MYO1B: variants seen among roughly 807,000 people sequenced by gnomAD.
The protein encoded by MYO1B is myosin IB.
In MYO1B, 72 loss-of-function variants were observed where a neutral mutation model predicts 159.7. That is an observed-to-expected ratio of 0.45 (90% CI 0.37 to 0.55). The LOEUF is 0.55. Among genes scored for constraint, MYO1B ranks in the 20% least tolerant of loss-of-function variants. MYO1B has a pLI of 0.00. For synonymous variants in MYO1B, 468 were observed against 473.8 expected (o/e 0.99, Z 0.16); for missense variants, 1,062 against 1,364.8 (o/e 0.78, Z 3.50).
chr2:191,412,762 G>T (rs779285606), intron 27 of MYO1B, among the ~76,000 whole-genome samples: 5 of 152,160 alleles, frequency 3.3e-5, no homozygotes, highest in Non-Finnish European at 7.3e-5. Flanking sequence ...TGTCCTGAAA[G>T]AGTCCCCCGA....
At chr2:191,318,380 C>T (rs1690487603) in intron 3 of MYO1B, among the ~76,000 whole-genome samples, 1 of 152,134 alleles carries the variant, frequency 6.6e-6, no homozygotes, top group African/African-American at 2.4e-5. Flanking sequence ...TCTGGGTAAC[C>T]AGAAATCAGT....
intron 1 of MYO1B, among the ~76,000 whole-genome samples, chr2:191,264,746 C>A (rs571734667): frequency 6.6e-6 from 1 of 151,052 alleles, no homozygotes; most frequent in East Asian, 1.9e-4. Flanking sequence ...TGTGGTCTGG[C>A]ATTTGCTGGC....
intron 27 of MYO1B, among the ~76,000 whole-genome samples, chr2:191,411,882 A>G (rs1196381384): frequency 1.3e-5 from 2 of 152,238 alleles, no homozygotes; most frequent in African/African-American, 4.8e-5. Context: ...TGTTTATAAA[A>G]AAGTAGATTG....
chr2:191,364,012 A>G (rs1693842965), intron 10 of MYO1B, 137 bp downstream of exon 10: 3 of 1,272,640 alleles, frequency 2.4e-6, no homozygotes, highest in South Asian at 2.4e-5. Context: ...CAGAAATAGA[A>G]CTGTGGCTAA....
intron 13 of MYO1B, among the ~76,000 whole-genome samples, chr2:191,380,301 A>G (rs1694962560): frequency 6.6e-6 from 1 of 152,212 alleles, no homozygotes; most frequent in Admixed American, 6.5e-5. Context: ...TCTATCATGT[A>G]TGGAGGGATT....
rs1574412938 is a variant in MYO1B at position 191,316,604 on chromosome 2, T to C, written c.252-13331T>C. ...GAAATTGGCATTTCCTATTTGACAA[T>C]TTATAAAAATTTTAGGGATGTCTTC... On this transcript the variant is annotated intron_variant, in intron 3 of 30. Coordinates refer to ENST00000392318, the MANE Select transcript of MYO1B (RefSeq NM_001130158.3). Among the ~76,000 whole-genome samples the C allele has an allele frequency of 3.3e-5, 5 of 152,338 alleles. No homozygotes were observed. The South Asian group carries it at 8.3e-4, about 25-fold the overall frequency.
At chr2:191,315,321 GAATT>G (rs1249174648) in intron 3 of MYO1B, among the ~76,000 whole-genome samples, 3 of 152,084 alleles carry the variant, frequency 2.0e-5, no homozygotes, top group African/African-American at 4.8e-5. Context: ...AGATCAATGT[GAATT>G]AATTGTTATA....
chr2:191,414,548 A>T lies in MYO1B; in HGVS notation c.3038A>T (p.Asn1013Ile). 6.2e-7 allele frequency: 1 copy of T among 1,612,170 alleles called. No individual in the cohort carries two copies. Among genetic ancestry groups the T allele is most frequent in the South Asian group, 1.1e-5 (1 of 90,326 alleles). Residue 1013 changes from asparagine (N) to isoleucine (I), a missense_variant, in exon 29 of 31, where the codon AAT becomes ATT. Physicochemically the swap from Asn to Ile is moderately radical, Grantham distance 149. Transcript: ENST00000392318. ...STSRIFLLTN[N>I]NLLLADQKSG... ...TCTCGGATTTTCCTCTTAACAAACAATAATCTCCTTCTTGCTGACCAAAAG... is the reference window on the plus strand; with the variant it reads ...TCTCGGATTTTCCTCTTAACAAACATTAATCTCCTTCTTGCTGACCAAAAG...
chr2:191,326,798 G>A (rs949695029), intron 3 of MYO1B, among the ~76,000 whole-genome samples: 1 of 142,368 alleles, frequency 7.0e-6, no homozygotes, highest in Non-Finnish European at 1.5e-5. Context: ...GTGTGTGTGT[G>A]TGTGTGTGTG....
intron 24 of MYO1B, among the ~76,000 whole-genome samples, chr2:191,407,111 A>C (rs1012000138): frequency 2.6e-5 from 4 of 152,208 alleles, no homozygotes; most frequent in South Asian, 2.1e-4. Flanking sequence ...GTGTTGCTAG[A>C]TCTTAGACAA....
chr2:191,392,471 G>A (rs73984123), intron 19 of MYO1B, among the ~76,000 whole-genome samples: 2,401 of 152,242 alleles, frequency 0.016, 64 homozygotes, highest in African/African-American at 0.054. Context: ...GGACAACGGT[G>A]CAACATTCAT....
At chr2:191,304,043 A>G (rs11899375) in intron 3 of MYO1B, among the ~76,000 whole-genome samples, 1 of 152,204 alleles carries the variant, frequency 6.6e-6, no homozygotes, top group Non-Finnish European at 1.5e-5. Context: ...ATTCTGGACA[A>G]CAAGGATTAG....
Position 191,296,132 on chromosome 2 carries a change from A to G in MYO1B, c.157A>G (p.Ile53Val), listed in dbSNP as rs763862299. The change falls in exon 3 of 31, where the codon ATA becomes GTA. Residue 53 changes from isoleucine (I) to valine (V), a missense_variant. Ile to Val is a conservative substitution (Grantham distance 29). Coordinates refer to ENST00000392318, the MANE Select transcript of MYO1B (RefSeq NM_001130158.3). ...EIYTYIGSVVISVNPYRSLPI... is the reference protein window; with the variant it reads ...EIYTYIGSVVVSVNPYRSLPI... ...GCAGACATACATTGGAAGTGTGGTT[A>G]TATCTGTTAACCCATACCGGTCTTT... is the stretch of plus-strand genomic sequence containing the variant. 1 of 1,597,412 alleles carries G rather than the reference A, an allele frequency of 6.3e-7. No homozygotes were observed. The highest frequency in any genetic ancestry group is 1.7e-5 in the Admixed American group (1 of 58,204).
intron 3 of MYO1B, among the ~76,000 whole-genome samples, chr2:191,314,660 T>G (rs1690230830): frequency 6.6e-6 from 1 of 152,200 alleles, no homozygotes; most frequent in Non-Finnish European, 1.5e-5. Flanking sequence ...AAAGTCAGTT[T>G]CCCCTATATT....
At chr2:191,340,886 C>T (rs578090811) in intron 4 of MYO1B, among the ~76,000 whole-genome samples, 3 of 152,052 alleles carry the variant, frequency 2.0e-5, no homozygotes, top group East Asian at 1.9e-4. Flanking sequence ...CCACCATGCC[C>T]GGCTTATTTT....
At chr2:191,419,200 G>A (rs948006873) in intron 30 of MYO1B, among the ~76,000 whole-genome samples, 6 of 152,002 alleles carry the variant, frequency 3.9e-5, no homozygotes, top group African/African-American at 1.2e-4. Context: ...TGTTGTTACT[G>A]GTTTATGTAT....
chr2:191,423,786 A>G (rs1360649896), intron 30 of MYO1B, 51 bp from the exon 31 acceptor site: 3 of 1,571,794 alleles, frequency 1.9e-6, no homozygotes, highest in Admixed American at 3.7e-5. Flanking sequence ...TGTTATTGTA[A>G]TCATGAGCTG....
intron 10 of MYO1B, 68 bp downstream of exon 10, chr2:191,363,943 T>A (rs765965520): frequency 1.3e-6 from 2 of 1,586,004 alleles, no homozygotes; most frequent in Non-Finnish European, 1.7e-6. Flanking sequence ...CACTTTTTAA[T>A]GTAGAAAGTA....
intron 17 of MYO1B, among the ~76,000 whole-genome samples, chr2:191,388,653 C>A (rs114624713): frequency 0.014 from 2,060 of 151,946 alleles, 46 homozygotes; most frequent in African/African-American, 0.047. Context: ...TAAAAAAAAA[C>A]CCAAGAAACT....
Sources: gnomAD v4.1 joint callset for allele counts (sites outside exome capture counted in the v4.1 genomes callset) on GRCh38, gnomAD v4.1.1 for gene constraint, MANE v1.5 for transcripts, NCBI Gene and HGNC (gene_info 2026-07-23, HGNC 2026-07-21) for gene names.